PARD3B: variants seen among roughly 807,000 people sequenced by gnomAD.
PARD3B encodes the protein par-3 family cell polarity regulator beta, also known as partitioning defective 3 homolog B.
PARD3B carries 103 observed loss-of-function variants against 130.2 expected under a neutral mutation model. The ratio of observed to expected loss-of-function variants is 0.79; its 90% CI spans 0.67 to 0.93. The LOEUF is 0.93. Among genes scored for constraint, PARD3B ranks in the 40% least tolerant of loss-of-function variants. The probability of loss-of-function intolerance (pLI) is 0.00; values close to 1 mark genes in which losing one functional copy is unlikely to be tolerated. For missense variants in PARD3B, 1,609 were observed against 1,499.2 expected, an observed-to-expected ratio of 1.07 and a Z score of -1.21; for synonymous variants, 583 against 553.2, an observed-to-expected ratio of 1.05 and a Z score of -0.76.
chr2:205,119,087 T>C lies in PARD3B; in HGVS notation c.806+41T>C. The C allele has an allele frequency of 1.9e-6, 3 of 1,571,440 alleles. No homozygotes were observed. In the African/African-American group the frequency reaches 4.1e-5, roughly 21 times the overall value. On this transcript the variant is annotated intron_variant, in intron 7 of 22. Transcript: ENST00000406610. Reference sequence around the variant, plus strand: ...TTGTTTTATTTACTTTCTTGATCCCTAGCATGGTTATAAGCATTACTGAAC... The same window carrying C: ...TTGTTTTATTTACTTTCTTGATCCCCAGCATGGTTATAAGCATTACTGAAC...
intron 18 of PARD3B, among the ~76,000 whole-genome samples, chr2:205,342,281 T>C (rs934060007): frequency 6.6e-6 from 1 of 152,192 alleles, no homozygotes; most frequent in East Asian, 1.9e-4. Flanking sequence ...CAATTTAATT[T>C]TTCTGTGGAT....
chr2:205,042,414 T>TGTAA (rs1238900651), intron 3 of PARD3B, among the ~76,000 whole-genome samples: 2 of 152,156 alleles, frequency 1.3e-5, no homozygotes, highest in Non-Finnish European at 2.9e-5. Context: ...TAAGTGAGTG[T>TGTAA]GTAAGTTTTT....
At chr2:204,934,531 C>A (rs1316376669) in intron 2 of PARD3B, among the ~76,000 whole-genome samples, 1 of 152,004 alleles carries the variant, frequency 6.6e-6, no homozygotes, top group East Asian at 1.9e-4. Context: ...GTGACGTGTC[C>A]CTTGAATTAG....
intron 13 of PARD3B, among the ~76,000 whole-genome samples, chr2:205,180,656 A>ATTTATT (rs1263554174): frequency 6.8e-6 from 1 of 146,960 alleles, no homozygotes; most frequent in Non-Finnish European, 1.5e-5. Flanking sequence ...TCTGTGTTCC[A>ATTTATT]TTTATTTTTG....
At chr2:205,424,178 C>G (rs1052710210) in intron 19 of PARD3B, among the ~76,000 whole-genome samples, 1 of 152,112 alleles carries the variant, frequency 6.6e-6, no homozygotes, top group Non-Finnish European at 1.5e-5. Context: ...AAAGACTGTA[C>G]CCTCTGTGTC....
chr2:204,804,294 G>A (rs1308848118), intron 2 of PARD3B, among the ~76,000 whole-genome samples: 2 of 152,074 alleles, frequency 1.3e-5, no homozygotes, highest in Admixed American at 6.6e-5. Context: ...ACTGAAAATA[G>A]GGGATAGAAA....
chr2:204,730,225 C>A (rs2039446176), intron 2 of PARD3B, among the ~76,000 whole-genome samples: 1 of 152,052 alleles, frequency 6.6e-6, no homozygotes, highest in Admixed American at 6.6e-5. Flanking sequence ...CAGTCACCCA[C>A]CACCATGCTA....
intron 2 of PARD3B, among the ~76,000 whole-genome samples, chr2:204,859,230 G>A (rs140924249): frequency 5.9e-5 from 9 of 152,112 alleles, no homozygotes; most frequent in African/African-American, 9.6e-5. Flanking sequence ...AGTGGTATTC[G>A]GAAGTATTCG....
chr2:205,505,329 A>G (rs1286113908), intron 21 of PARD3B, among the ~76,000 whole-genome samples: 1 of 152,188 alleles, frequency 6.6e-6, no homozygotes, highest in African/African-American at 2.4e-5. Flanking sequence ...AACATGGCAC[A>G]TGTATACATA....
At chr2:204,919,073 G>C (rs1187326629) in intron 2 of PARD3B, among the ~76,000 whole-genome samples, 1 of 151,980 alleles carries the variant, frequency 6.6e-6, no homozygotes, top group Non-Finnish European at 1.5e-5. Context: ...CCTAGATTTG[G>C]CAAATAACAT....
chr2:204,923,984 A>T (rs925541262), intron 2 of PARD3B, among the ~76,000 whole-genome samples: 1 of 152,092 alleles, frequency 6.6e-6, no homozygotes, highest in Non-Finnish European at 1.5e-5. Flanking sequence ...TGCCTTAGTG[A>T]TATAGTATTT....
intron 18 of PARD3B, among the ~76,000 whole-genome samples, chr2:205,307,421 G>A (rs571560645): frequency 5.5e-4 from 84 of 152,278 alleles, no homozygotes; most frequent in African/African-American, 2.0e-3. Flanking sequence ...GGAAAAATAT[G>A]CAGCTCAAGA....
chr2:204,807,595 A>AG (rs1312350247), intron 2 of PARD3B, among the ~76,000 whole-genome samples: 2 of 152,164 alleles, frequency 1.3e-5, no homozygotes, highest in African/African-American at 4.8e-5. Flanking sequence ...AAGCTACCCA[A>AG]GGATTCATCA....
At chr2:204,949,937 A>T (rs1316663743) in intron 2 of PARD3B, among the ~76,000 whole-genome samples, 2 of 152,188 alleles carry the variant, frequency 1.3e-5, no homozygotes, top group East Asian at 3.8e-4. Context: ...CACTCTCTAG[A>T]TACAAGATAC....
chr2:204,803,424 A>G (rs2042648256), intron 2 of PARD3B, among the ~76,000 whole-genome samples: 1 of 152,120 alleles, frequency 6.6e-6, no homozygotes, highest in Admixed American at 6.5e-5. Context: ...ATGAACTCAT[A>G]TCTTGAGTAG....
chr2:205,590,608 A>G lies in PARD3B; in HGVS notation c.3261-24848A>G, dbSNP rs1375641274. Among the ~76,000 whole-genome samples the G allele has an allele frequency of 6.6e-6, 1 of 152,182 alleles. No individual in the cohort carries two copies. The highest frequency in any genetic ancestry group is 1.5e-5 in the Non-Finnish European group (1 of 68,034). ...TGAACCACATGGACTGAGAGTGGGC[A>G]TGGAATGATTCCCAAAAGAACAGAA... is the stretch of plus-strand genomic sequence containing the variant. On this transcript the variant is annotated intron_variant, in intron 22 of 22. Coordinates refer to ENST00000406610, the MANE Select transcript of PARD3B (RefSeq NM_001302769.2). This position sits in a 1 kb window ranked among gnomAD's most constrained non-coding sequence, Gnocchi z 4.1.
chr2:205,419,717 A>G (rs950731205), intron 19 of PARD3B, among the ~76,000 whole-genome samples: 1 of 152,192 alleles, frequency 6.6e-6, no homozygotes, highest in Non-Finnish European at 1.5e-5. Flanking sequence ...GAAACGGGGA[A>G]AGGGGAGAAT....
chr2:204,945,186 G>A (rs757557204), intron 2 of PARD3B, among the ~76,000 whole-genome samples: 1 of 152,196 alleles, frequency 6.6e-6, no homozygotes, highest in African/African-American at 2.4e-5. Context: ...TAATGGCAAG[G>A]CCATCGAGCA....
intron 5 of PARD3B, among the ~76,000 whole-genome samples, chr2:205,106,258 C>T (rs868726701): frequency 3.9e-5 from 6 of 152,040 alleles, no homozygotes; most frequent in Admixed American, 2.0e-4. Flanking sequence ...AGTGATTCTC[C>T]TGCCTCAGCC....
Sources: gnomAD v4.1 joint callset for allele counts (sites outside exome capture counted in the v4.1 genomes callset) on GRCh38, gnomAD v4.1.1 for gene constraint, Gnocchi (gnomAD v3.1) non-coding constraint, MANE v1.5 for transcripts, NCBI Gene and HGNC (gene_info 2026-07-23, HGNC 2026-07-21) for gene names.